CRY1: variants seen among roughly 807,000 people sequenced by gnomAD.
CRY1 encodes the protein cryptochrome-1.
Under a neutral mutation model 76.0 loss-of-function variants are expected in CRY1, and 45 were observed. That is an observed-to-expected ratio of 0.59 (90% CI 0.47 to 0.76). The LOEUF (loss-of-function observed/expected upper bound fraction) is 0.76. CRY1 is among the 30% of genes least tolerant of loss of function. The pLI is 0.00. For synonymous variants in CRY1, 248 were observed against 244.0 expected, an observed-to-expected ratio of 1.02 and a Z score of -0.15; for missense variants, 587 against 716.4, an observed-to-expected ratio of 0.82 and a Z score of 2.06.
At position 107,001,836 on chromosome 12, in the gene CRY1, T is replaced by C. The variant is rs757973694; in HGVS notation, c.523A>G (p.Ile175Val). The change falls in exon 4 of 13, where the codon ATA becomes GTA. Residue 175 changes from isoleucine to valine, a missense_variant. Transcript: ENST00000008527. ...IPVETITSEV[I>V]EKCTTPLSDD... The stretch of plus-strand genomic sequence containing the variant: ...GACAGAGGAGTTGTGCACTTTTCTA[T>C]CACTTCTGAAGTAATTGTCTCTACT... 3 of 1,591,136 alleles carry C rather than the reference T, an allele frequency of 1.9e-6. No homozygotes were observed. Among genetic ancestry groups the C allele is most frequent in the South Asian group, 1.2e-5 (1 of 85,724 alleles).
chr12:107,001,979 T>C, intron 3 of CRY1, 31 bp from the exon 4 acceptor site: 1 of 1,531,420 alleles, frequency 6.5e-7, no homozygotes, highest in Non-Finnish European at 8.7e-7. Flanking sequence ...ATGTAGTTAG[T>C]ATTAAAAAAG....
chr12:106,992,851 C>A lies in CRY1; in HGVS notation c.1697G>T (p.Arg566Leu). ...CTGTGTGTCCTCTTCCTGACTAGGA[C>A]GTTTCCCACCACTGAGACCAGTGCC... ...SMGTGLSGGK[R>L]PSQEEDTQSI... is the part of the protein sequence containing the mutation. The change falls in exon 12 of 13, where the codon CGT becomes CTT. Residue 566 changes from arginine to leucine, a missense_variant. Arg to Leu is a moderately radical substitution (Grantham distance 102). Coordinates refer to ENST00000008527, the MANE Select transcript of CRY1 (RefSeq NM_004075.5). 1 of 1,614,004 alleles carries A rather than the reference C, an allele frequency of 6.2e-7. No individual in the cohort carries two copies. The highest frequency in any genetic ancestry group is 8.5e-7 in the Non-Finnish European group (1 of 1,179,930).
At chr12:107,040,841 A>T (rs1190772298) in intron 1 of CRY1, among the ~76,000 whole-genome samples, 1 of 152,154 alleles carries the variant, frequency 6.6e-6, no homozygotes, top group Non-Finnish European at 1.5e-5. Flanking sequence ...ATGAATCTCA[A>T]ATATATTGCA....
chr12:107,076,289 G>A (rs1365380339), intron 1 of CRY1, among the ~76,000 whole-genome samples: 6 of 151,540 alleles, frequency 4.0e-5, no homozygotes, highest in African/African-American at 1.2e-4. Context: ...GGTTCCAATG[G>A]TGTCACATAA....
chr12:107,048,453 A>T (rs570395647), intron 1 of CRY1, among the ~76,000 whole-genome samples: 34 of 152,272 alleles, frequency 2.2e-4, no homozygotes, highest in Non-Finnish European at 1.5e-5. Context: ...GTATTTCTAT[A>T]TAGAATCATT....
intron 2 of CRY1, among the ~76,000 whole-genome samples, chr12:107,018,809 G>A (rs1462550133): frequency 6.6e-6 from 1 of 152,018 alleles, no homozygotes; most frequent in Non-Finnish European, 1.5e-5. Flanking sequence ...CAGAAAAAAT[G>A]ACAATAGTTT....
chr12:107,037,701 A>C (rs879699183), intron 1 of CRY1, among the ~76,000 whole-genome samples: 2 of 111,846 alleles, frequency 1.8e-5, no homozygotes, highest in African/African-American at 6.1e-5. Context: ...AAATTATTTT[A>C]TTTATTTATT....
chr12:107,093,136 G>A lies in CRY1; in HGVS notation c.-175C>T. ...GGGACCGGAGAAGGCGGGGGCGCCG[G>A]AGGCGCAGTGGAAAGATGAATGGAG... On this transcript the variant is annotated 5_prime_UTR_variant, in exon 1 of 13. Transcript: ENST00000008527. 1.4e-6 allele frequency: 1 copy of A among 710,176 alleles called. No homozygotes were observed. The allele number at this position is 710,176 out of a possible 1,614,324, so 44.0% of individuals were successfully genotyped here. A position where few individuals can be genotyped will look rare whatever the true frequency, so the allele number is the denominator to read the frequency against.
intron 1 of CRY1, among the ~76,000 whole-genome samples, chr12:107,060,981 C>CA (rs1953039539): frequency 6.6e-6 from 1 of 151,848 alleles, no homozygotes; most frequent in Admixed American, 6.6e-5. Flanking sequence ...TCTCAAAAAA[C>CA]AAAAATCAAA....
chr12:107,060,997 A>C (rs7961170), intron 1 of CRY1, among the ~76,000 whole-genome samples: 83,242 of 151,628 alleles, frequency 0.55, 23,182 homozygotes, highest in East Asian at 0.73. Context: ...TCAAACAAAC[A>C]AAAAAAATTA....
intron 10 of CRY1, 76 bp downstream of exon 10, chr12:106,997,218 G>T: frequency 8.0e-7 from 1 of 1,257,844 alleles, no homozygotes; most frequent in Non-Finnish European, 1.2e-6. Context: ...AAATATGTTA[G>T]TGAGGATCAA....
intron 1 of CRY1, among the ~76,000 whole-genome samples, chr12:107,034,371 C>T (rs1952710703): frequency 6.6e-6 from 1 of 152,030 alleles, no homozygotes; most frequent in Admixed American, 6.6e-5. Flanking sequence ...AATAAGCCAC[C>T]CCTTGTTTAG....
chr12:107,049,848 A>C (rs1343812271), intron 1 of CRY1: 1 of 152,226 alleles, frequency 6.6e-6, no homozygotes, highest in Non-Finnish European at 1.5e-5. Flanking sequence ...TTTAGTTTGA[A>C]GTGCCTATGA....
At chr12:107,032,463 G>A (rs758372603) in intron 1 of CRY1, among the ~76,000 whole-genome samples, 6 of 151,754 alleles carry the variant, frequency 4.0e-5, no homozygotes, top group African/African-American at 1.2e-4. Flanking sequence ...ATGACAATGC[G>A]TTTAAAGTGG....
intron 1 of CRY1, among the ~76,000 whole-genome samples, chr12:107,065,770 G>A (rs1953102925): frequency 6.6e-6 from 1 of 152,122 alleles, no homozygotes; most frequent in Non-Finnish European, 1.5e-5. Flanking sequence ...CCCAAAATGA[G>A]ACACTTATTC....
chr12:107,031,948 T>G (rs145299196), intron 1 of CRY1, among the ~76,000 whole-genome samples: 1,892 of 152,284 alleles, frequency 0.012, 33 homozygotes, highest in African/African-American at 0.043. Context: ...TTTCTTTTTC[T>G]TTTGAGAGGG....
intron 1 of CRY1, among the ~76,000 whole-genome samples, chr12:107,083,317 A>G (rs1267753863): frequency 6.6e-6 from 1 of 152,198 alleles, no homozygotes; most frequent in Non-Finnish European, 1.5e-5. Flanking sequence ...AAAGAAAAAG[A>G]CGGACTGCTC....
chr12:107,033,098 G>A (rs1370217481), intron 1 of CRY1, among the ~76,000 whole-genome samples: 1 of 152,046 alleles, frequency 6.6e-6, no homozygotes, highest in Non-Finnish European at 1.5e-5. Flanking sequence ...ATACTGCAGG[G>A]ATTAAACGGA....
chr12:107,021,240 G>A (rs1221126392), intron 2 of CRY1, among the ~76,000 whole-genome samples: 3 of 151,974 alleles, frequency 2.0e-5, no homozygotes, highest in Admixed American at 6.6e-5. Context: ...CTGAGATTGC[G>A]CCATTGCACT....
Sources: allele counts gnomAD v4.1 joint callset (sites outside exome capture counted in the v4.1 genomes callset), GRCh38; gene constraint gnomAD v4.1.1; transcripts MANE v1.5; gene names NCBI Gene and HGNC (gene_info 2026-07-23, HGNC 2026-07-21).